The following PCDH11X variants were observed in gnomAD, a reference collection of about 807,000 sequenced individuals.
PCDH11X encodes the protein protocadherin-11 X-linked.
Under a neutral mutation model 53.3 loss-of-function variants are expected in PCDH11X, and 18 were observed. The ratio of observed to expected loss-of-function variants is 0.34; its 90% CI spans 0.23 to 0.50. PCDH11X has a LOEUF of 0.50. Ranked by LOEUF, PCDH11X falls within the 20% of genes least tolerant of loss-of-function variation. The probability of loss-of-function intolerance (pLI) is 0.98; values close to 1 mark genes in which losing one functional copy is unlikely to be tolerated. For synonymous variants in PCDH11X, 279 were observed against 393.3 expected (o/e 0.71, Z 3.44); for missense variants, 570 against 1,032.4 (o/e 0.55, Z 6.14).
chrX:92,240,996 A>G (rs970605904), intron 7 of PCDH11X, among the ~76,000 whole-genome samples: 7 of 111,477 alleles, frequency 6.3e-5, no homozygotes, highest in Non-Finnish European at 1.3e-4. Flanking sequence ...ATGACAATAT[A>G]GTTTGTGTAT....
At chrX:92,054,570 C>A (rs1246301779) in intron 6 of PCDH11X, among the ~76,000 whole-genome samples, 1 of 111,083 alleles carries the variant, frequency 9.0e-6, no homozygotes, top group South Asian at 3.7e-4. Flanking sequence ...CCTGTAATCC[C>A]AGCACTTTGG....
At chrX:92,256,472 G>C (rs2067589636) in intron 7 of PCDH11X, among the ~76,000 whole-genome samples, 1 of 111,002 alleles carries the variant, frequency 9.0e-6, no homozygotes, top group Non-Finnish European at 1.9e-5. Flanking sequence ...CCTCCCTCCG[G>C]TTTGTGTACA....
intron 10 of PCDH11X, among the ~76,000 whole-genome samples, chrX:92,560,604 A>C (rs2075117379): frequency 9.2e-6 from 1 of 108,746 alleles, no homozygotes; most frequent in Admixed American, 9.9e-5. Flanking sequence ...AGCAGTCACC[A>C]CAAGCTGACT....
Position 91,877,164 on chromosome X carries a change from T to G in PCDH11X, c.924T>G (p.Leu308=). The G allele has an allele frequency of 9.6e-7, 1 of 1,037,237 alleles. No homozygotes were observed. Among genetic ancestry groups the G allele is most frequent in the Middle Eastern group, 2.7e-4 (1 of 3,732 alleles). The allele number at this position is 1,037,237 out of a possible 1,213,427, so 85.5% of individuals were successfully genotyped here. A position where few individuals can be genotyped will look rare whatever the true frequency, so the allele number is the denominator to read the frequency against. Residue 308 remains leucine (L), a synonymous_variant, in exon 6 of 11, where the codon CTT becomes CTG. Transcript: ENST00000682573. Reference sequence around the variant, plus strand: ...TTCACCTCAATGCCACCACTGGACTTATCACAATCAAAGAACCACTGGATA... The same window carrying G: ...TTCACCTCAATGCCACCACTGGACTGATCACAATCAAAGAACCACTGGATA... ...RLFHLNATTG[L]ITIKEPLDRE...
At chrX:92,353,808 T>C (rs1569472138) in intron 8 of PCDH11X, among the ~76,000 whole-genome samples, 2 of 110,978 alleles carry the variant, frequency 1.8e-5, no homozygotes, top group African/African-American at 6.6e-5. Flanking sequence ...AGTGTAAAAA[T>C]AATTATATTA....
chrX:91,825,195 G>C (rs1936864884), intron 4 of PCDH11X, among the ~76,000 whole-genome samples: 2 of 108,574 alleles, frequency 1.8e-5, no homozygotes, highest in African/African-American at 3.7e-5. Context: ...AGCTGTGGTG[G>C]GCTCCACCCA....
intron 1 of PCDH11X, among the ~76,000 whole-genome samples, chrX:91,797,032 G>C (rs1162794859): frequency 9.0e-6 from 1 of 111,353 alleles, no homozygotes; most frequent in Non-Finnish European, 1.9e-5. Context: ...TTTCTTTTTA[G>C]ATAAATGTTT....
At position 92,319,890 on chromosome X, in the gene PCDH11X, G is replaced by A. The variant is rs2069161729; in HGVS notation, c.3144+56747G>A. Among the ~76,000 whole-genome samples the A allele has an allele frequency of 4.5e-5, 5 of 111,714 alleles. No individual in the cohort carries two copies. In the South Asian group the frequency reaches 1.9e-3, roughly 41 times the overall value. ...GATCTTTTCAGTTTGTTTGCTAGTGGACACAGAATTTTCTTTAACATATCA... is the reference window on the plus strand; with the variant it reads ...GATCTTTTCAGTTTGTTTGCTAGTGAACACAGAATTTTCTTTAACATATCA... On this transcript the variant is annotated intron_variant, in intron 8 of 10. Coordinates refer to ENST00000682573, the MANE Select transcript of PCDH11X (RefSeq NM_032968.5).
At chrX:91,794,108 T>C (rs1181096691) in intron 1 of PCDH11X, among the ~76,000 whole-genome samples, 1 of 112,139 alleles carries the variant, frequency 8.9e-6, no homozygotes, top group African/African-American at 3.2e-5. Context: ...AACACTATCC[T>C]TTTTGTAAAG....
At chrX:92,330,428 A>T (rs2069437465) in intron 8 of PCDH11X, among the ~76,000 whole-genome samples, 1 of 111,096 alleles carries the variant, frequency 9.0e-6, no homozygotes, top group African/African-American at 3.3e-5. Flanking sequence ...TCTTTGTATC[A>T]AGTATTGGTG....
intron 5 of PCDH11X, among the ~76,000 whole-genome samples, chrX:91,840,736 T>A (rs1325830001): frequency 9.1e-6 from 1 of 109,676 alleles, no homozygotes; most frequent in African/African-American, 3.3e-5. Context: ...CTGAAGAAAT[T>A]AATATTTTTT....
intron 9 of PCDH11X, among the ~76,000 whole-genome samples, chrX:92,410,665 G>A (rs2148600306): frequency 9.7e-6 from 1 of 102,636 alleles, no homozygotes; most frequent in African/African-American, 3.9e-5. Flanking sequence ...GGATTTATAA[G>A]GCTGTAAATC....
chrX:92,215,009 C>T (rs1220470011), intron 7 of PCDH11X, among the ~76,000 whole-genome samples: 1 of 111,863 alleles, frequency 8.9e-6, no homozygotes, highest in Non-Finnish European at 1.9e-5. Context: ...GATCCTGCCA[C>T]TGCACTCTAG....
At chrX:92,558,906 T>C (rs1035251693) in intron 10 of PCDH11X, among the ~76,000 whole-genome samples, 3 of 110,035 alleles carry the variant, frequency 2.7e-5, no homozygotes, top group Non-Finnish European at 5.7e-5. Context: ...CTTTGCTAGG[T>C]TTTAAAATTT....
intron 6 of PCDH11X, among the ~76,000 whole-genome samples, chrX:92,141,147 T>C (rs1188392138): frequency 9.0e-6 from 1 of 111,528 alleles, no homozygotes; most frequent in East Asian, 2.8e-4. Flanking sequence ...AGTCCATTTC[T>C]CTTAACATTC....
intron 8 of PCDH11X, among the ~76,000 whole-genome samples, chrX:92,312,497 G>T (rs2068971881): frequency 9.1e-6 from 1 of 109,924 alleles, no homozygotes; most frequent in Non-Finnish European, 1.9e-5. Context: ...TGGTTCCCGT[G>T]GGAAAAAGGT....
chrX:91,857,164 A>C (rs1938388383), intron 5 of PCDH11X, among the ~76,000 whole-genome samples: 1 of 111,570 alleles, frequency 9.0e-6, no homozygotes, highest in Non-Finnish European at 1.9e-5. Context: ...CAGGTCTTAC[A>C]TGGAGGCTGG....
intron 7 of PCDH11X, among the ~76,000 whole-genome samples, chrX:92,250,951 G>C (rs1014516200): frequency 3.6e-5 from 4 of 110,240 alleles, no homozygotes; most frequent in African/African-American, 1.3e-4. Context: ...TGTGAATATA[G>C]TAAAAAAAAC....
At chrX:92,319,601 C>A (rs1161024819) in intron 8 of PCDH11X, among the ~76,000 whole-genome samples, 1 of 110,130 alleles carries the variant, frequency 9.1e-6, no homozygotes, top group Non-Finnish European at 1.9e-5. Flanking sequence ...CTTAAGTGAT[C>A]CTCCGCTTTG....
Sources: allele counts gnomAD v4.1 joint callset (sites outside exome capture counted in the v4.1 genomes callset), GRCh38; gene constraint gnomAD v4.1.1; transcripts MANE v1.5; gene names NCBI Gene and HGNC (gene_info 2026-07-23, HGNC 2026-07-21).